Variants in PPP2R5E observed in about 807,000 individuals in gnomAD.
PPP2R5E encodes protein phosphatase 2 regulatory subunit B'epsilon, also known as serine/threonine-protein phosphatase 2A 56 kDa regulatory subunit epsilon isoform.
A neutral mutation model predicts 65.3 loss-of-function variants in PPP2R5E; 4 were observed. The observed-to-expected ratio is 0.06, with a 90% confidence interval of 0.03 to 0.14. The LOEUF (loss-of-function observed/expected upper bound fraction) is 0.14. PPP2R5E is among the 10% of genes least tolerant of loss of function. PPP2R5E has a pLI of 1.00. For synonymous variants in PPP2R5E, 183 were observed against 187.4 expected, an observed-to-expected ratio of 0.98 and a Z score of 0.19; for missense variants, 274 against 556.1, an observed-to-expected ratio of 0.49 and a Z score of 5.10.
chr14:63,520,782 G>A (rs189992587), intron 2 of PPP2R5E, among the ~76,000 whole-genome samples: 32 of 150,198 alleles, frequency 2.1e-4, no homozygotes, highest in Middle Eastern at 3.4e-3. Context: ...TTGGGAGGCC[G>A]AGGCGGGTGG....
chr14:63,399,195 A>C (rs550757846), intron 5 of PPP2R5E, among the ~76,000 whole-genome samples: 1 of 152,156 alleles, frequency 6.6e-6, no homozygotes, highest in Non-Finnish European at 1.5e-5. Flanking sequence ...TAACTGATAC[A>C]TGTTACAACA....
intron 5 of PPP2R5E, among the ~76,000 whole-genome samples, chr14:63,409,915 T>C (rs1039890525): frequency 6.6e-6 from 1 of 152,250 alleles, no homozygotes; most frequent in Non-Finnish European, 1.5e-5. Context: ...CCAGAGTTTG[T>C]ATGCAGTTTC....
chr14:63,508,105 C>G (rs1892297051), intron 2 of PPP2R5E: 1 of 976,692 alleles, frequency 1.0e-6, no homozygotes, highest in African/African-American at 1.8e-5. Flanking sequence ...CTTCCCACCC[C>G]CACACACACT....
Position 63,415,179 on chromosome 14 carries a change from G to T in PPP2R5E, c.510C>A (p.Ser170Arg). Residue 170 changes from serine to arginine, a missense_variant, in exon 5 of 14, where the codon AGC (serine) becomes AGA (arginine). By Grantham distance (110) the Ser-to-Arg change is moderately radical. Transcript: ENST00000337537. ...TCTGATCTATATATTTTTTGGCAAT[G>T]CTGGGTTGGAATTCTTGGCTTTCCA... The part of the protein sequence containing the change: ...RFLESQEFQP[S>R]IAKKYIDQKF... 6.2e-7 allele frequency: 1 copy of T among 1,604,454 alleles called. No individual in the cohort carries two copies. Among genetic ancestry groups the T allele is most frequent in the Non-Finnish European group, 8.5e-7 (1 of 1,172,224 alleles).
chr14:63,389,805 G>A, intron 10 of PPP2R5E, 74 bp from the exon 11 acceptor site: 1 of 1,376,862 alleles, frequency 7.3e-7, no homozygotes, highest in Non-Finnish European at 9.5e-7. Context: ...GAGGATTAAT[G>A]AGAGTTTGGA....
At chr14:63,414,837 C>G (rs1402498287) in intron 5 of PPP2R5E, among the ~76,000 whole-genome samples, 1 of 152,098 alleles carries the variant, frequency 6.6e-6, no homozygotes, top group Non-Finnish European at 1.5e-5. Context: ...TATAACGATT[C>G]CCACAAACCA....
intron 5 of PPP2R5E, among the ~76,000 whole-genome samples, chr14:63,404,864 A>G (rs1428308657): frequency 2.0e-5 from 3 of 152,218 alleles, no homozygotes; most frequent in Non-Finnish European, 4.4e-5. Context: ...GCAATTCAAG[A>G]AAGAGCTATT....
chr14:63,540,201 T>A (rs1233522945), intron 1 of PPP2R5E, among the ~76,000 whole-genome samples: 1 of 147,016 alleles, frequency 6.8e-6, no homozygotes, highest in East Asian at 2.0e-4. Context: ...GAGGCCGAGG[T>A]GGGTGGATCA....
intron 2 of PPP2R5E, among the ~76,000 whole-genome samples, chr14:63,458,569 A>G (rs1172187712): frequency 1.3e-5 from 2 of 152,170 alleles, no homozygotes; most frequent in Admixed American, 1.3e-4. Flanking sequence ...GGCCTACATC[A>G]TTATATTTAT....
intron 3 of PPP2R5E, among the ~76,000 whole-genome samples, chr14:63,423,306 A>C (rs1178657883): frequency 6.6e-6 from 1 of 152,218 alleles, no homozygotes; most frequent in Admixed American, 6.5e-5. Flanking sequence ...CATGTTGGTC[A>C]GGCTAGTCTC....
intron 3 of PPP2R5E, among the ~76,000 whole-genome samples, chr14:63,451,068 A>G (rs1263225720): frequency 1.1e-4 from 16 of 152,220 alleles, no homozygotes; most frequent in Non-Finnish European, 2.4e-4. Context: ...GCAAAATAGT[A>G]CCACTACCCT....
chr14:63,484,122 A>C (rs1890854998), intron 2 of PPP2R5E, among the ~76,000 whole-genome samples: 1 of 151,816 alleles, frequency 6.6e-6, no homozygotes, highest in African/African-American at 2.4e-5. Flanking sequence ...CAGAAAGATA[A>C]AGGGCCCAAA....
chr14:63,428,580 C>T (rs1002678153), intron 3 of PPP2R5E, among the ~76,000 whole-genome samples: 2 of 152,122 alleles, frequency 1.3e-5, no homozygotes, highest in Admixed American at 1.3e-4. Context: ...GCTTTCAGGG[C>T]CCGGCTGCTC....
intron 2 of PPP2R5E, among the ~76,000 whole-genome samples, chr14:63,528,017 GAAACT>G (rs1005040383): frequency 5.3e-5 from 8 of 151,344 alleles, no homozygotes; most frequent in African/African-American, 1.9e-4. Context: ...CTTACTGAGG[GAAACT>G]ATGCTTAATT....
rs1555353678 is a variant in PPP2R5E at position 63,374,634 on chromosome 14, G to GATTTTATATATATATATATATAT, written c.*1374_*1375insATATATATATATATATATAAAAT. On this transcript the variant is annotated 3_prime_UTR_variant, in exon 14 of 14. Coordinates refer to ENST00000337537, the MANE Select transcript of PPP2R5E (RefSeq NM_006246.5). ...TAAATACAAAGCAGAGAGCCAATAA[G>GATTTTATATATATATATATATAT]ATATATATATATATATATATATATA... 2.7e-5 allele frequency: 3 copies of GATTTTATATATATATATATATAT among 109,598 alleles called. No individual in the cohort carries two copies. Among genetic ancestry groups the GATTTTATATATATATATATATAT allele is most frequent in the African/African-American group, 1.5e-4 (3 of 20,648 alleles). 6.8% of individuals were successfully genotyped at this position (109,598 alleles called of 1,614,324 possible).
At chr14:63,390,294 CG>C (rs1884938733) in intron 10 of PPP2R5E, among the ~76,000 whole-genome samples, 1 of 123,076 alleles carries the variant, frequency 8.1e-6, no homozygotes, top group South Asian at 2.4e-4. Flanking sequence ...GACGCATTCT[CG>C]ACACACACAC....
chr14:63,417,443 A>G (rs1156252119), intron 4 of PPP2R5E, among the ~76,000 whole-genome samples: 1 of 150,900 alleles, frequency 6.6e-6, no homozygotes, highest in Non-Finnish European at 1.5e-5. Flanking sequence ...GAATAATCAT[A>G]GTTTGTTAGT....
chr14:63,459,531 G>A (rs564940290), intron 2 of PPP2R5E, among the ~76,000 whole-genome samples: 1 of 152,260 alleles, frequency 6.6e-6, no homozygotes, highest in East Asian at 1.9e-4. Context: ...ATATTTCAAT[G>A]CACATAAGCA....
At chr14:63,414,475 G>A (rs768950211) in intron 5 of PPP2R5E, among the ~76,000 whole-genome samples, 9 of 152,056 alleles carry the variant, frequency 5.9e-5, no homozygotes, top group Admixed American at 2.0e-4. Flanking sequence ...TTTTAGAGAC[G>A]AATATATCAA....
Sources: gnomAD v4.1 joint callset for allele counts (sites outside exome capture counted in the v4.1 genomes callset) on GRCh38, gnomAD v4.1.1 for gene constraint, MANE v1.5 for transcripts, NCBI Gene and HGNC (gene_info 2026-07-23, HGNC 2026-07-21) for gene names.